Variants in RBFOX1 observed in about 807,000 individuals in gnomAD.
The protein encoded by RBFOX1 is RNA binding fox-1 homolog 1.
RBFOX1 carries 8 observed loss-of-function variants against 57.7 expected under a neutral mutation model. The observed-to-expected ratio is 0.14, with a 90% confidence interval of 0.08 to 0.25. The LOEUF (loss-of-function observed/expected upper bound fraction) is 0.25. Ranked by LOEUF, RBFOX1 falls within the 10% of genes least tolerant of loss-of-function variation. The pLI is 1.00. For synonymous variants in RBFOX1, 326 were observed against 222.4 expected, an observed-to-expected ratio of 1.47 and a Z score of -4.15; for missense variants, 611 against 548.5, an observed-to-expected ratio of 1.11 and a Z score of -1.14.
intron 1 of RBFOX1, among the ~76,000 whole-genome samples, chr16:6,024,732 C>T (rs2095153329): frequency 6.6e-6 from 1 of 152,186 alleles, no homozygotes; most frequent in Non-Finnish European, 1.5e-5. Flanking sequence ...CCACCCGCCT[C>T]CTCGGCCTCT....
In RBFOX1 at chr16:6,317,044, G is replaced by C; in HGVS notation, c.-77G>C. 1 of 1,535,058 alleles carries C rather than the reference G, an allele frequency of 6.5e-7. No individual in the cohort carries two copies. The highest frequency in any genetic ancestry group is 8.7e-7 in the Non-Finnish European group (1 of 1,146,248). On this transcript the variant is annotated 5_prime_UTR_variant, in exon 2 of 16. Transcript: ENST00000550418. ...AGTGGAACTTACAGCTTCCTTGATCGGACTCAGCATTCAGTAAGTGCAACC... is the reference window on the plus strand; with the variant it reads ...AGTGGAACTTACAGCTTCCTTGATCCGACTCAGCATTCAGTAAGTGCAACC...
intron 3 of RBFOX1, among the ~76,000 whole-genome samples, chr16:6,782,528 G>A (rs188828091): frequency 6.6e-5 from 10 of 151,846 alleles, no homozygotes; most frequent in South Asian, 2.1e-4. Context: ...TTTATGTCCC[G>A]GGATTTTTAT....
chr16:6,819,054 G>A (rs1022657310), intron 3 of RBFOX1, among the ~76,000 whole-genome samples: 2 of 152,178 alleles, frequency 1.3e-5, no homozygotes, highest in Non-Finnish European at 2.9e-5. Flanking sequence ...CATTGTATAA[G>A]CGACTTGAAT....
intron 1 of RBFOX1, among the ~76,000 whole-genome samples, chr16:6,229,238 G>C (rs746420400): frequency 5.3e-5 from 8 of 151,940 alleles, no homozygotes; most frequent in Non-Finnish European, 1.0e-4. Context: ...TGTTAAAATA[G>C]AGAGCAAAAC....
chr16:6,408,200 G>A (rs2093350248), intron 2 of RBFOX1, among the ~76,000 whole-genome samples: 1 of 152,098 alleles, frequency 6.6e-6, no homozygotes, highest in Non-Finnish European at 1.5e-5. Flanking sequence ...AAGGTATTTT[G>A]TTATCACAGC....
At chr16:6,518,793 G>GTCTATCTATCTA (rs1163846016) in intron 2 of RBFOX1, among the ~76,000 whole-genome samples, 1 of 90,242 alleles carries the variant, frequency 1.1e-5, no homozygotes, top group East Asian at 3.2e-4. Flanking sequence ...CTGTCTGTGT[G>GTCTATCTATCTA]TCTGTCTATC....
At chr16:5,837,018 G>C (rs546502830) in intron 3 of RBFOX1, among the ~76,000 whole-genome samples, 1 of 152,120 alleles carries the variant, frequency 6.6e-6, no homozygotes, top group South Asian at 2.1e-4. Flanking sequence ...CCCTTGCGTG[G>C]TCCCTGGTCA....
chr16:7,004,394 T>C (rs1568327773), intron 3 of RBFOX1, among the ~76,000 whole-genome samples: 2 of 152,112 alleles, frequency 1.3e-5, no homozygotes, highest in Non-Finnish European at 2.9e-5. Flanking sequence ...TCCACCGGTT[T>C]TATTTAGTCT....
intron 3 of RBFOX1, among the ~76,000 whole-genome samples, chr16:5,842,545 C>T (rs1022516210): frequency 3.9e-5 from 6 of 152,170 alleles, no homozygotes; most frequent in Non-Finnish European, 8.8e-5. Context: ...TGTATTCATT[C>T]ATTTATCCAT....
At chr16:6,431,188 C>A (rs1043059953) in intron 2 of RBFOX1, among the ~76,000 whole-genome samples, 2 of 151,574 alleles carry the variant, frequency 1.3e-5, no homozygotes, top group African/African-American at 4.8e-5. Flanking sequence ...TGGGGAAAGG[C>A]AGGTGATTGC....
chr16:6,988,101 G>A lies in RBFOX1; in HGVS notation c.-15-63956G>A, dbSNP rs115497308. On this transcript the variant is annotated intron_variant, in intron 3 of 15. Coordinates refer to ENST00000550418, the MANE Select transcript of RBFOX1 (RefSeq NM_018723.4). Reference sequence around the variant, plus strand: ...ATGGTAAAACCAAGAATCAAATGTGGATCCAGAGAGCACTGAGAACATAGG... The same window carrying A: ...ATGGTAAAACCAAGAATCAAATGTGAATCCAGAGAGCACTGAGAACATAGG... 3.0e-3 allele frequency among the ~76,000 whole-genome samples: 455 copies of A among 150,228 alleles called. 1 individual carries two copies. The highest frequency in any genetic ancestry group is 0.011 in the African/African-American group (435 of 40,956).
At chr16:5,564,627 C>G (rs1279954977) in intron 2 of RBFOX1, among the ~76,000 whole-genome samples, 1 of 152,162 alleles carries the variant, frequency 6.6e-6, no homozygotes, top group African/African-American at 2.4e-5. Flanking sequence ...TTTTTGGAGT[C>G]TGTCCTGTAT....
At chr16:5,364,253 G>A (rs1377555494) in intron 1 of RBFOX1, among the ~76,000 whole-genome samples, 4 of 152,192 alleles carry the variant, frequency 2.6e-5, no homozygotes, top group African/African-American at 9.7e-5. Context: ...ATGTGTGCTG[G>A]TTTGAGATGT....
intron 4 of RBFOX1, among the ~76,000 whole-genome samples, chr16:7,407,632 T>C (rs2098368151): frequency 6.6e-6 from 1 of 152,144 alleles, no homozygotes; most frequent in Non-Finnish European, 1.5e-5. Context: ...AGACTGCTTA[T>C]TATAGCAACC....
intron 1 of RBFOX1, among the ~76,000 whole-genome samples, chr16:5,240,558 C>A (rs1400718307): frequency 3.3e-5 from 5 of 152,184 alleles, no homozygotes; most frequent in Non-Finnish European, 7.3e-5. Context: ...TGCGGGCTGG[C>A]GGCGCTCACC....
intron 4 of RBFOX1, among the ~76,000 whole-genome samples, chr16:7,507,070 TG>T (rs1278468722): frequency 6.6e-6 from 1 of 152,190 alleles, no homozygotes; most frequent in Non-Finnish European, 1.5e-5. Flanking sequence ...ATAAGGAAAC[TG>T]GGTCACATAA....
At position 6,122,607 on chromosome 16, in the gene RBFOX1, C is replaced by T. The variant is rs77298525; in HGVS notation, c.-127+102615C>T. On this transcript the variant is annotated intron_variant, in intron 1 of 15. Coordinates refer to ENST00000550418, the MANE Select transcript of RBFOX1 (RefSeq NM_018723.4). ...CTGACTAGGCCTTCCGTGTGACACC[C>T]GCTCCCCATTAATGATTGACTGACA... Among the ~76,000 whole-genome samples the T allele has an allele frequency of 1.1e-4, 16 of 152,254 alleles. No homozygotes were observed. The East Asian group carries it at 1.4e-3, about 13-fold the overall frequency.
chr16:6,426,176 C>T (rs1457937914), intron 2 of RBFOX1, among the ~76,000 whole-genome samples: 1 of 151,848 alleles, frequency 6.6e-6, no homozygotes, highest in African/African-American at 2.4e-5. Flanking sequence ...CTCCATCCCT[C>T]CTCCCTTCCT....
At chr16:7,574,152 T>A (rs372934239) in intron 5 of RBFOX1, among the ~76,000 whole-genome samples, 3 of 152,122 alleles carry the variant, frequency 2.0e-5, no homozygotes, top group Non-Finnish European at 2.9e-5. Context: ...CCTTGAGTGT[T>A]GATGGCCTTT....
Sources: allele counts gnomAD v4.1 joint callset (sites outside exome capture counted in the v4.1 genomes callset), GRCh38; gene constraint gnomAD v4.1.1; transcripts MANE v1.5; gene names NCBI Gene and HGNC (gene_info 2026-07-23, HGNC 2026-07-21).